The following SMDT1 variants were observed in gnomAD, a reference collection of about 807,000 sequenced individuals.
SMDT1 encodes single-pass membrane protein with aspartate rich tail 1.
SMDT1 carries 6 observed loss-of-function variants against 5.9 expected under a neutral mutation model. That is an observed-to-expected ratio of 1.03 (90% CI 0.56 to 2.02). The LOEUF is 2.02. Ranked by LOEUF, SMDT1 falls within the 30% of genes most tolerant of loss-of-function variation. The pLI is 0.00. For synonymous variants in SMDT1, 81 were observed against 62.4 expected, an observed-to-expected ratio of 1.30 and a Z score of -1.40; for missense variants, 159 against 145.6, an observed-to-expected ratio of 1.09 and a Z score of -0.47.
Position 42,083,897 on chromosome 22 carries a change from G to A in SMDT1, c.*782G>A, listed in dbSNP as rs1927977096. On this transcript the variant is annotated 3_prime_UTR_variant, in exon 3 of 3. Coordinates refer to ENST00000331479, the MANE Select transcript of SMDT1 (RefSeq NM_033318.5). ...ATCTTCCTTTGCCCGTCTTCCAGTT[G>A]GCCATAAAAAGAATCCTCTGACCTA... The A allele has an allele frequency of 6.6e-6, 1 of 152,114 alleles. No homozygotes were observed. The highest frequency in any genetic ancestry group is 1.5e-5 in the Non-Finnish European group (1 of 68,034). 9.4% of individuals were successfully genotyped at this position (152,114 alleles called of 1,614,324 possible).
At position 42,082,004 on chromosome 22, in the gene SMDT1, C is replaced by A. The variant is rs1441508518; in HGVS notation, c.266C>A (p.Ala89Asp). The stretch of plus-strand genomic sequence containing the variant: ...GGGACACTCATTAGCAAGAACTTTG[C>A]TGCTCTACTTGAGGAACATGACATT... Reference protein sequence around the residue: ...YVGTLISKNFAALLEEHDIFV... With the variant: ...YVGTLISKNFDALLEEHDIFV... Residue 89 changes from alanine to aspartate, a missense_variant, in exon 2 of 3, where the codon GCT becomes GAT. Transcript: ENST00000331479. 1 of 1,614,014 alleles carries A rather than the reference C, an allele frequency of 6.2e-7. No homozygotes were observed. The highest frequency in any genetic ancestry group is 1.1e-5 in the South Asian group (1 of 91,074).
At chr22:42,080,061 C>G (rs1043960050) in intron 1 of SMDT1, 107 bp downstream of exon 1, 13 of 1,249,422 alleles carry the variant, frequency 1.0e-5, no homozygotes, top group Non-Finnish European at 1.4e-5. Flanking sequence ...ATAACGATTA[C>G]CGTAGACTGG....
In SMDT1 at chr22:42,082,045, G is replaced by C. The variant is rs760484438; in HGVS notation, c.307G>C (p.Asp103His). Residue 103 changes from aspartate (D) to histidine (H), a missense_variant, in exon 2 of 3, where the codon GAT (aspartate) becomes CAT (histidine). Coordinates refer to ENST00000331479, the MANE Select transcript of SMDT1 (RefSeq NM_033318.5). ...ACATGACATTTTTGTTCCAGAGGAT[G>C]ATGATGATGATGACTAACAGGTAAG... ...EEHDIFVPEDDDDDD is the reference protein window; with the variant it reads ...EEHDIFVPEDHDDDD 1.2e-5 allele frequency: 20 copies of C among 1,612,584 alleles called. No homozygotes were observed. Among genetic ancestry groups the C allele is most frequent in the Non-Finnish European group, 1.6e-5 (19 of 1,180,004 alleles).
Position 42,083,846 on chromosome 22 carries a change from G to C in SMDT1, c.*731G>C, listed in dbSNP as rs1183362468. On this transcript the variant is annotated 3_prime_UTR_variant, in exon 3 of 3. Coordinates refer to ENST00000331479, the MANE Select transcript of SMDT1 (RefSeq NM_033318.5). ...TTCACCTGCTGCTTTTTCTCCCCAA[G>C]GCAGGCCATAGAAACTAAAAGTATA... The C allele has an allele frequency of 6.6e-6, 1 of 152,084 alleles. No homozygotes were observed. The highest frequency in any genetic ancestry group is 1.5e-5 in the Non-Finnish European group (1 of 68,036). The allele number at this position is 152,084 out of a possible 1,614,324, so 9.4% of individuals were successfully genotyped here.
chr22:42,080,721 T>C (rs1266892053), intron 1 of SMDT1, among the ~76,000 whole-genome samples: 1 of 152,218 alleles, frequency 6.6e-6, no homozygotes, highest in East Asian at 1.9e-4. Flanking sequence ...TGACTGTAGG[T>C]CCATGTTGGG....
chr22:42,079,975 G>C (rs961829903), intron 1 of SMDT1, 21 bp downstream of exon 1: 1 of 1,598,570 alleles, frequency 6.3e-7, no homozygotes, highest in Non-Finnish European at 8.5e-7. Flanking sequence ...TCCTGGAGAC[G>C]GGGCGAAGGG....
rs1264025036 is a variant in SMDT1 at position 42,083,112 on chromosome 22, C to A, written c.*4-7C>A. ...GCCCAGTTCACTGCTGCTTTCCTTT[C>A]TTACAGGAATTACAGAAAGGAGAAA... On this transcript the variant is annotated splice_polypyrimidine_tract_variant and splice_region_variant and intron_variant, in intron 2 of 2. Coordinates refer to ENST00000331479, the MANE Select transcript of SMDT1 (RefSeq NM_033318.5). 1 of 152,594 alleles carries A rather than the reference C, an allele frequency of 6.6e-6. No homozygotes were observed. The highest frequency in any genetic ancestry group is 2.4e-5 in the African/African-American group (1 of 41,450). The allele number at this position is 152,594 out of a possible 1,614,324, so 9.5% of individuals were successfully genotyped here.
chr22:42,080,465 G>C (rs754951170), intron 1 of SMDT1, among the ~76,000 whole-genome samples: 7 of 152,178 alleles, frequency 4.6e-5, no homozygotes, highest in Admixed American at 2.6e-4. Flanking sequence ...GGCTAGAGCG[G>C]TGAAGCTCGT....
rs766815239 is a variant in SMDT1 at position 42,079,723 on chromosome 22, TGGGCGGTG to T, written c.-42_-35del. ...TTCTTCCCGAGGGCGGCACGAGGGC[TGGGCGGTG>T]GGGTGCGGGTGCCCGGGTGAGGGGC... On this transcript the variant is annotated 5_prime_UTR_variant, in exon 1 of 3. Transcript: ENST00000331479. 6.4e-7 allele frequency: 1 copy of T among 1,568,242 alleles called. No individual in the cohort carries two copies. The highest frequency in any genetic ancestry group is 8.6e-7 in the Non-Finnish European group (1 of 1,162,062).
intron 1 of SMDT1, among the ~76,000 whole-genome samples, chr22:42,080,242 T>A (rs564200716): frequency 6.6e-6 from 1 of 152,198 alleles, no homozygotes; most frequent in African/African-American, 2.4e-5. Context: ...GGCCGTGTGC[T>A]TCTAGCTTAG....
chr22:42,079,716 C>G lies in SMDT1; in HGVS notation c.-53C>G. The G allele has an allele frequency of 1.3e-6, 2 of 1,547,320 alleles. No homozygotes were observed. The highest frequency in any genetic ancestry group is 1.4e-5 in the African/African-American group (1 of 73,430). On this transcript the variant is annotated 5_prime_UTR_variant, in exon 1 of 3. Coordinates refer to ENST00000331479, the MANE Select transcript of SMDT1 (RefSeq NM_033318.5). ...GGCGGCTTTCTTCCCGAGGGCGGCACGAGGGCTGGGCGGTGGGGTGCGGGT... is the reference window on the plus strand; with the variant it reads ...GGCGGCTTTCTTCCCGAGGGCGGCAGGAGGGCTGGGCGGTGGGGTGCGGGT...
chr22:42,081,800 C>T, intron 1 of SMDT1, 125 bp from the exon 2 acceptor site: 1 of 1,173,876 alleles, frequency 8.5e-7, no homozygotes, highest in Non-Finnish European at 1.2e-6. Flanking sequence ...CTGAATTTTT[C>T]CAAGGACTTT....
chr22:42,080,098 G>A, intron 1 of SMDT1, 144 bp downstream of exon 1: 1 of 940,876 alleles, frequency 1.1e-6, no homozygotes, highest in Admixed American at 3.1e-5. Flanking sequence ...ACGCTAATGA[G>A]TTGCTAATTT....
At chr22:42,082,314 G>A in intron 2 of SMDT1, 3 of 433,812 alleles carry the variant, frequency 6.9e-6, no homozygotes, top group Non-Finnish European at 1.3e-5. Flanking sequence ...CGATTCTCCT[G>A]CCTCAGCCTA....
At chr22:42,082,388 A>T (rs1158779353) in intron 2 of SMDT1, among the ~76,000 whole-genome samples, 4 of 152,030 alleles carry the variant, frequency 2.6e-5, no homozygotes, top group African/African-American at 7.3e-5. Flanking sequence ...TTTAGTAGAG[A>T]CGGGGTTTCT....
chr22:42,081,840 G>T, intron 1 of SMDT1, 85 bp from the exon 2 acceptor site: 2 of 1,524,226 alleles, frequency 1.3e-6, no homozygotes, highest in South Asian at 2.3e-5. Flanking sequence ...TGGGTCTGAG[G>T]GTATGTCTGT....
chr22:42,082,918 C>T (rs2146864445), intron 2 of SMDT1, among the ~76,000 whole-genome samples: 1 of 152,314 alleles, frequency 6.6e-6, no homozygotes, highest in African/African-American at 2.4e-5. Context: ...TTCTTGCTGG[C>T]AGGGGACGTT....
rs1333230327 is a variant in SMDT1, at chr22:42,083,787, G to A, written c.*672G>A. 1.3e-5 allele frequency: 2 copies of A among 152,316 alleles called. No homozygotes were observed. The highest frequency in any genetic ancestry group is 3.9e-4 in the East Asian group (2 of 5,188). 9.4% of individuals were successfully genotyped at this position (152,316 alleles called of 1,614,324 possible). On this transcript the variant is annotated 3_prime_UTR_variant, in exon 3 of 3. Transcript: ENST00000331479. ...TGGGCACTTCGGGCCTCAGAAAACA[G>A]CAGGCTGTTTCTCAGATCTTCTCCT...
chr22:42,081,900 C>G, intron 1 of SMDT1, 25 bp from the exon 2 acceptor site: 1 of 1,612,912 alleles, frequency 6.2e-7, no homozygotes, highest in Non-Finnish European at 8.5e-7. Context: ...CTGGAGCTCA[C>G]AGCTGCCACT....
Sources: gnomAD v4.1 joint callset for allele counts (sites outside exome capture counted in the v4.1 genomes callset) on GRCh38, gnomAD v4.1.1 for gene constraint, MANE v1.5 for transcripts, NCBI Gene and HGNC (gene_info 2026-07-23, HGNC 2026-07-21) for gene names.